Variants in ATP2B2 observed in about 807,000 individuals in gnomAD.
ATP2B2 encodes the protein plasma membrane calcium-transporting ATPase 2.
Under a neutral mutation model 120.0 loss-of-function variants are expected in ATP2B2, and 15 were observed. The observed-to-expected ratio is 0.12, with a 90% CI of 0.08 to 0.19. The LOEUF (loss-of-function observed/expected upper bound fraction) is 0.19, where lower values mean the gene tolerates loss of function less well. Ranked by LOEUF, ATP2B2 falls within the 10% of genes least tolerant of loss-of-function variation. The pLI, the probability that ATP2B2 is intolerant of heterozygous loss-of-function variation, is 1.00. For synonymous variants in ATP2B2, 694 were observed against 700.3 expected (o/e 0.99, Z 0.14); for missense variants, 1,045 against 1,719.8 (o/e 0.61, Z 6.94).
rs117742020 is a variant in ATP2B2 at position 10,517,822 on chromosome 3, C to T, written c.-320+16217G>A. Among the ~76,000 whole-genome samples, 314 of 152,324 alleles carry T rather than the reference C, an allele frequency of 2.1e-3. 4 individuals are homozygous for T. In the East Asian group the frequency reaches 0.043, roughly 21 times the overall value. ...TCCTGGGCCTGTGCTTGGCTCTAGGCACTGTGCCGGGCACAGCAGGTAGGA... is the reference window on the plus strand; with the variant it reads ...TCCTGGGCCTGTGCTTGGCTCTAGGTACTGTGCCGGGCACAGCAGGTAGGA... On this transcript the variant is annotated intron_variant, in intron 3 of 21. Coordinates refer to the ATP2B2 transcript ENST00000646379.
intron 1 of ATP2B2, among the ~76,000 whole-genome samples, chr3:10,649,564 C>A (rs1007410669): frequency 1.3e-5 from 2 of 152,178 alleles, no homozygotes; most frequent in East Asian, 3.9e-4. Context: ...GACTAGTTAA[C>A]TCCCATTCTC....
chr3:10,423,512 C>T (rs2063055217), intron 2 of ATP2B2, among the ~76,000 whole-genome samples: 1 of 152,226 alleles, frequency 6.6e-6, no homozygotes, highest in African/African-American at 2.4e-5. Flanking sequence ...TTCATATTCC[C>T]TCTGTATCAA....
At chr3:10,701,031 A>G (rs1208297989) in intron 1 of ATP2B2, among the ~76,000 whole-genome samples, 1 of 152,262 alleles carries the variant, frequency 6.6e-6, no homozygotes, top group African/African-American at 2.4e-5. Flanking sequence ...TCATGTGGCT[A>G]GAGAGTAAGG....
At chr3:10,527,709 G>A (rs1051953488) in intron 3 of ATP2B2, among the ~76,000 whole-genome samples, 5 of 152,250 alleles carry the variant, frequency 3.3e-5, no homozygotes, top group Non-Finnish European at 1.5e-5. Context: ...CCAGTCCAGG[G>A]CTGTGGGGAG....
chr3:10,547,289 T>C (rs2067568554), intron 2 of ATP2B2, among the ~76,000 whole-genome samples: 1 of 152,128 alleles, frequency 6.6e-6, no homozygotes, highest in African/African-American at 2.4e-5. Context: ...TCCTCTCTCC[T>C]CTTTAGGTCT....
Position 10,402,192 on chromosome 3 carries a change from C to T in ATP2B2, c.554G>A (p.Arg185His), listed in dbSNP as rs754821593. 4 of 1,614,236 alleles carry T rather than the reference C, an allele frequency of 2.5e-6. No homozygotes were observed. The highest frequency in any genetic ancestry group is 1.7e-5 in the Admixed American group (1 of 60,032). ...GGTAAATTTCTGTTCCTGCTCGATG[C>T]GGCTCTGCAGGCCCCGGAACTGTTT... is the stretch of plus-strand genomic sequence containing the variant. Reference protein sequence around the residue: ...KEKQFRGLQSRIEQEQKFTVV... With the variant: ...KEKQFRGLQSHIEQEQKFTVV... Residue 185 changes from arginine to histidine, a missense_variant, in exon 4 of 23, where the codon CGC becomes CAC. This residue lies in a region of ATP2B2 where 30 missense variants were observed against 66.7 expected (regional missense o/e 0.45). Coordinates refer to ENST00000360273, the MANE Select transcript of ATP2B2 (RefSeq NM_001001331.4). This position sits in a 1 kb window ranked among gnomAD's most constrained non-coding sequence, Gnocchi z 4.9.
At chr3:10,447,125 C>T (rs1055741344) in intron 2 of ATP2B2, among the ~76,000 whole-genome samples, 8 of 152,242 alleles carry the variant, frequency 5.3e-5, no homozygotes, top group African/African-American at 1.7e-4. Context: ...TCTTGATTAT[C>T]TGCAGCTTGG....
chr3:10,594,689 A>C (rs942651772), intron 2 of ATP2B2, among the ~76,000 whole-genome samples: 3 of 147,444 alleles, frequency 2.0e-5, no homozygotes, highest in African/African-American at 7.5e-5. Context: ...CACGTTGTGC[A>C]CATGTACCCT....
chr3:10,549,686 T>C (rs1288341265), intron 2 of ATP2B2, among the ~76,000 whole-genome samples: 1 of 151,820 alleles, frequency 6.6e-6, no homozygotes, highest in Non-Finnish European at 1.5e-5. Flanking sequence ...TTTCACTTCC[T>C]TTTCTGTTTT....
rs539645207 is a variant in ATP2B2 at position 10,371,100 on chromosome 3, AG to A, written c.1659+708del. On this transcript the variant is annotated intron_variant, in intron 12 of 22. Transcript: ENST00000360273. Reference sequence around the variant, plus strand: ...TGTCCTTACAGCACCTCTCATCAAGAGGTGAAGTTTATTTTACCACTGTGTG... The same window carrying A: ...TGTCCTTACAGCACCTCTCATCAAGAGTGAAGTTTATTTTACCACTGTGTG... Among the ~76,000 whole-genome samples, 4 of 152,354 alleles carry A rather than the reference AG, an allele frequency of 2.6e-5. No individual in the cohort carries two copies. The East Asian group carries it at 7.7e-4, about 29-fold the overall frequency.
chr3:10,663,631 T>C (rs190236709), intron 1 of ATP2B2, among the ~76,000 whole-genome samples: 1 of 152,188 alleles, frequency 6.6e-6, no homozygotes, highest in East Asian at 1.9e-4. Context: ...AGTAACCCTC[T>C]GGGGGCCTGC....
At chr3:10,421,011 C>G (rs188057674) in intron 2 of ATP2B2, among the ~76,000 whole-genome samples, 77 of 152,334 alleles carry the variant, frequency 5.1e-4, no homozygotes, top group African/African-American at 1.8e-3. Context: ...GCGGCTTCAG[C>G]ATCACCTGGG....
intron 1 of ATP2B2, among the ~76,000 whole-genome samples, chr3:10,683,824 G>A (rs1401780699): frequency 9.6e-6 from 1 of 103,852 alleles, no homozygotes; most frequent in Non-Finnish European, 2.0e-5. Context: ...ACAGGGTCTC[G>A]CTCTGTTACC....
At chr3:10,413,243 T>C (rs2062672901) in intron 2 of ATP2B2, among the ~76,000 whole-genome samples, 1 of 152,290 alleles carries the variant, frequency 6.6e-6, no homozygotes, top group South Asian at 2.1e-4. Flanking sequence ...GCCTGTGGTT[T>C]GGGAGTCTGT....
rs571428781 is a variant in ATP2B2, at chr3:10,576,397, T to C, written c.-414-42264A>G. 3.9e-5 allele frequency among the ~76,000 whole-genome samples: 6 copies of C among 152,260 alleles called. No homozygotes were observed. The South Asian group carries it at 6.2e-4, about 16-fold the overall frequency. ...TTGTTCTTATTATTATTGTTATTTT[T>C]TGAGACATCATCTTGCTCTGTTGCC... On this transcript the variant is annotated intron_variant, in intron 2 of 21. Coordinates refer to the ATP2B2 transcript ENST00000646379.
chr3:10,700,268 G>A (rs2071797563), intron 1 of ATP2B2, among the ~76,000 whole-genome samples: 1 of 152,050 alleles, frequency 6.6e-6, no homozygotes, highest in Non-Finnish European at 1.5e-5. Context: ...CTCACTCTCT[G>A]TCCTAAGTGT....
chr3:10,609,838 G>A (rs1460961182), intron 2 of ATP2B2, among the ~76,000 whole-genome samples: 4 of 152,094 alleles, frequency 2.6e-5, no homozygotes, highest in Admixed American at 2.0e-4. Context: ...TCAATTCACG[G>A]GGGAGTGGGC....
chr3:10,372,955 G>T (rs1449322639), intron 11 of ATP2B2, among the ~76,000 whole-genome samples: 1 of 152,150 alleles, frequency 6.6e-6, no homozygotes, highest in African/African-American at 2.4e-5. Flanking sequence ...CTAGGAATTT[G>T]ATTTCCTTTA....
intron 2 of ATP2B2, among the ~76,000 whole-genome samples, chr3:10,448,848 A>C (rs959477259): frequency 6.6e-6 from 1 of 152,154 alleles, no homozygotes; most frequent in Non-Finnish European, 1.5e-5. Context: ...ACTCAAGCCC[A>C]CACTAGGGAA....
Sources: allele counts gnomAD v4.1 joint callset (sites outside exome capture counted in the v4.1 genomes callset), GRCh38; gene constraint gnomAD v4.1.1; regional missense constraint gnomAD v4.1.1; non-coding constraint Gnocchi (gnomAD v3.1); transcripts MANE v1.5; gene names NCBI Gene and HGNC (gene_info 2026-07-23, HGNC 2026-07-21).